Variants in NUP153 observed in about 807,000 individuals in gnomAD.
NUP153 encodes nucleoporin 153, also known as nuclear pore complex protein Nup153.
NUP153 carries 27 observed loss-of-function variants against 134.6 expected under a neutral mutation model. That is an observed-to-expected ratio of 0.20 (90% CI 0.15 to 0.28). The LOEUF is 0.28. Among genes scored for constraint, NUP153 ranks in the 10% least tolerant of loss-of-function variants. The probability of loss-of-function intolerance (pLI) is 1.00; values close to 1 mark genes in which losing one functional copy is unlikely to be tolerated. For synonymous variants in NUP153, 640 were observed against 623.5 expected, an observed-to-expected ratio of 1.03 and a Z score of -0.40; for missense variants, 1,821 against 1,731.3, an observed-to-expected ratio of 1.05 and a Z score of -0.92.
Position 17,629,263 on chromosome 6 carries a change from T to C in NUP153, c.2936A>G (p.Asp979Gly), listed in dbSNP as rs1306250536. 3.1e-6 allele frequency: 5 copies of C among 1,612,358 alleles called. No individual in the cohort carries two copies. Among genetic ancestry groups the C allele is most frequent in the Non-Finnish European group, 4.2e-6 (5 of 1,179,572 alleles). Residue 979 changes from aspartate to glycine, a missense_variant, in exon 18 of 22, where the codon GAT (aspartate) becomes GGT (glycine). By Grantham distance (94) the Asp-to-Gly change is moderately conservative (BLOSUM62 -1). Coordinates refer to ENST00000262077, the MANE Select transcript of NUP153 (RefSeq NM_005124.4). ...AGAAGAAAGTCCAAACTTAAAATTA[T>C]CATTCTTACTATCTTTTTTAACTTC... ...PEEVKKDSKNDNFKFGLSSGL... is the reference protein window; with the variant it reads ...PEEVKKDSKNGNFKFGLSSGL...
At chr6:17,660,382 A>AT (rs1351116020) in intron 11 of NUP153, among the ~76,000 whole-genome samples, 1 of 152,192 alleles carries the variant, frequency 6.6e-6, no homozygotes, top group Non-Finnish European at 1.5e-5. Context: ...CTAAGCTGAA[A>AT]TGCATTTATA....
Position 17,649,170 on chromosome 6 carries a change from G to T in NUP153, c.1526C>A (p.Thr509Lys), listed in dbSNP as rs1332332924. 2.5e-6 allele frequency: 4 copies of T among 1,611,704 alleles called. No homozygotes were observed. The South Asian group carries it at 3.3e-5, about 13-fold the overall frequency. Residue 509 changes from threonine (T) to lysine (K), a missense_variant, in exon 12 of 22, where the codon ACA (threonine) becomes AAA (lysine). By Grantham distance (78) the Thr-to-Lys change is moderately conservative. Coordinates refer to ENST00000262077, the MANE Select transcript of NUP153 (RefSeq NM_005124.4). ...PSPINSSQAL[T>K]NKVQMTSPSS... The stretch of plus-strand genomic sequence containing the variant: ...TATATAATGGTTTTGTACCTTGTTT[G>T]TTAATGCTTGAGACGAATTGATGGG...
chr6:17,673,164 C>T (rs1345887441), intron 5 of NUP153, among the ~76,000 whole-genome samples: 6 of 152,092 alleles, frequency 3.9e-5, no homozygotes, highest in Non-Finnish European at 8.8e-5. Context: ...GTCAAGAGTT[C>T]GAGACCAGCC....
chr6:17,674,192 A>G (rs978206638), intron 5 of NUP153, among the ~76,000 whole-genome samples: 1 of 152,212 alleles, frequency 6.6e-6, no homozygotes, highest in African/African-American at 2.4e-5. Flanking sequence ...CAAGAGATAC[A>G]TAAGGTAACG....
Position 17,680,415 on chromosome 6 carries a change from G to T in NUP153, c.335-4645C>A, listed in dbSNP as rs1768507528. 6.6e-6 allele frequency among the ~76,000 whole-genome samples: 1 copy of T among 152,112 alleles called. No homozygotes were observed. The highest frequency in any genetic ancestry group is 2.1e-4 in the South Asian group (1 of 4,836). ...ACTGGATATCCACATGAAAAAGAAT[G>T]AACCCTTATCTTGAACCATATACAA... On this transcript the variant is annotated intron_variant, in intron 2 of 21. Coordinates refer to ENST00000262077, the MANE Select transcript of NUP153 (RefSeq NM_005124.4). This position sits in a 1 kb window ranked among gnomAD's most constrained non-coding sequence, Gnocchi z 4.5.
intron 1 of NUP153, among the ~76,000 whole-genome samples, chr6:17,697,261 G>A (rs1453157486): frequency 1.3e-5 from 2 of 152,120 alleles, no homozygotes; most frequent in Non-Finnish European, 2.9e-5. Flanking sequence ...TGTCAAAAAT[G>A]CCACTGAGAT....
At chr6:17,654,343 C>A (rs905737276) in intron 11 of NUP153, among the ~76,000 whole-genome samples, 1 of 150,008 alleles carries the variant, frequency 6.7e-6, no homozygotes, top group African/African-American at 2.5e-5. Flanking sequence ...TTTTTTGAGA[C>A]GGAGTTTCGA....
At chr6:17,681,182 C>T (rs1768556593) in intron 2 of NUP153, among the ~76,000 whole-genome samples, 1 of 151,568 alleles carries the variant, frequency 6.6e-6, no homozygotes, top group South Asian at 2.1e-4. Flanking sequence ...AAAAAGACAA[C>T]TATCACATGT....
rs573477165 is a variant in NUP153 at position 17,655,745 on chromosome 6, G to A, written c.1395+5908C>T. On this transcript the variant is annotated intron_variant, in intron 11 of 21. Coordinates refer to ENST00000262077, the MANE Select transcript of NUP153 (RefSeq NM_005124.4). ...ACTGGGATTACAGGTGTGAGCCACC[G>A]TGACCAGCCAATCTTTTAATTTTTT... Among the ~76,000 whole-genome samples, 8 of 152,032 alleles carry A rather than the reference G, an allele frequency of 5.3e-5. No homozygotes were observed. The South Asian group carries it at 1.2e-3, about 24-fold the overall frequency.
chr6:17,618,621 A>G (rs1290915962), intron 20 of NUP153, among the ~76,000 whole-genome samples: 3 of 147,132 alleles, frequency 2.0e-5, no homozygotes. Context: ...GCTGGAGTGC[A>G]GTGGCACGGT....
intron 5 of NUP153, among the ~76,000 whole-genome samples, chr6:17,670,990 T>C (rs906064823): frequency 3.9e-5 from 6 of 152,056 alleles, no homozygotes; most frequent in African/African-American, 1.4e-4. Context: ...TTTGTATTTT[T>C]AGTAGAGATA....
chr6:17,681,126 T>TA (rs1354046237), intron 2 of NUP153, among the ~76,000 whole-genome samples: 1 of 151,604 alleles, frequency 6.6e-6, no homozygotes, highest in Non-Finnish European at 1.5e-5. Flanking sequence ...TGCAACAATA[T>TA]AGATGGAACT....
chr6:17,623,240 T>C (rs905248764), intron 20 of NUP153, among the ~76,000 whole-genome samples: 16 of 151,122 alleles, frequency 1.1e-4, no homozygotes, highest in African/African-American at 3.4e-4. Flanking sequence ...AAATGGTTAA[T>C]GTATATCAGA....
Position 17,625,786 on chromosome 6 carries a change from A to AT in NUP153, c.3901+21dup, listed in dbSNP as rs554332976. 355 of 1,558,868 alleles carry AT rather than the reference A, an allele frequency of 2.3e-4. 5 individuals carry two copies. In the East Asian group the frequency reaches 7.8e-3, roughly 34 times the overall value. On this transcript the variant is annotated intron_variant, in intron 19 of 21. Transcript: ENST00000262077. The surrounding 1 kb of genome is among the most constrained non-coding windows in gnomAD (Gnocchi z 4.7). ...AGTAAAGTCCATCCAATTACAATGC[A>AT]TTTTTTCTTTTGTAAATGTACCTGC... is the stretch of plus-strand genomic sequence containing the variant.
At chr6:17,629,721 T>C (rs1006021324) in intron 17 of NUP153, among the ~76,000 whole-genome samples, 182 bp from the exon 18 acceptor site, 16 of 152,334 alleles carry the variant, frequency 1.1e-4, no homozygotes, top group African/African-American at 3.4e-4. Context: ...ATGAGAATGA[T>C]ATCTCAATCC....
At chr6:17,650,116 T>C (rs1016250707) in intron 11 of NUP153, among the ~76,000 whole-genome samples, 1 of 152,110 alleles carries the variant, frequency 6.6e-6, no homozygotes, top group Non-Finnish European at 1.5e-5. Context: ...CTGATAAACG[T>C]TTAGATATAT....
chr6:17,630,697 G>A (rs893553397), intron 17 of NUP153, among the ~76,000 whole-genome samples: 1 of 148,814 alleles, frequency 6.7e-6, no homozygotes, highest in Non-Finnish European at 1.5e-5. Context: ...GGAGAGCAGA[G>A]GAGACGGGAG....
intron 15 of NUP153, 97 bp from the exon 16 acceptor site, chr6:17,637,867 C>T: frequency 1.5e-6 from 2 of 1,300,094 alleles, no homozygotes; most frequent in Non-Finnish European, 2.1e-6. Flanking sequence ...TACCTCACTG[C>T]ACACTTACTA....
intron 16 of NUP153, among the ~76,000 whole-genome samples, chr6:17,636,555 TATA>T (rs1458446629): frequency 2.0e-5 from 3 of 152,172 alleles, no homozygotes; most frequent in Non-Finnish European, 4.4e-5. Flanking sequence ...CATATAATTA[TATA>T]ATATTACAAA....
Sources: allele counts gnomAD v4.1 joint callset (sites outside exome capture counted in the v4.1 genomes callset), GRCh38; gene constraint gnomAD v4.1.1; non-coding constraint Gnocchi (gnomAD v3.1); transcripts MANE v1.5; gene names NCBI Gene and HGNC (gene_info 2026-07-23, HGNC 2026-07-21).